AKR7A2: variants seen among roughly 807,000 people sequenced by gnomAD.
The protein encoded by AKR7A2 is aldo-keto reductase family 7 member A2.
Under a neutral mutation model 37.3 loss-of-function variants are expected in AKR7A2, and 29 were observed. That is an observed-to-expected ratio of 0.78 (90% CI 0.58 to 1.06). AKR7A2 has a LOEUF of 1.06. Ranked by LOEUF, AKR7A2 falls within the 50% of genes least tolerant of loss-of-function variation. The pLI, the probability that AKR7A2 is intolerant of heterozygous loss-of-function variation, is 0.00. For synonymous variants in AKR7A2, 228 were observed against 217.8 expected, an observed-to-expected ratio of 1.05 and a Z score of -0.41; for missense variants, 529 against 497.9, an observed-to-expected ratio of 1.06 and a Z score of -0.59.
At chr1:19,310,144 A>G (rs1446671052) in intron 1 of AKR7A2, among the ~76,000 whole-genome samples, 2 of 152,194 alleles carry the variant, frequency 1.3e-5, no homozygotes, top group Non-Finnish European at 2.9e-5. Context: ...TGGATTCTGC[A>G]CTTTTCATAC....
Position 19,308,223 on chromosome 1 carries a change from A to G in AKR7A2, c.526T>C (p.Trp176Arg). ...AGGGTACAGATCTCGGCCACTTCCC[A>G]GCTAGCATAGTTGGAGAGGCCAAGC... ...VELGLSNYAS[W>R]EVAEICTLCK... The change falls in exon 3 of 7, where the codon TGG (tryptophan) becomes CGG (arginine). Residue 176 changes from tryptophan (W) to arginine (R), a missense_variant. By Grantham distance (101) the Trp-to-Arg change is moderately radical. Coordinates refer to ENST00000235835, the MANE Select transcript of AKR7A2 (RefSeq NM_003689.4). The G allele has an allele frequency of 6.2e-7, 1 of 1,613,490 alleles. No homozygotes were observed. The highest frequency in any genetic ancestry group is 1.3e-5 in the African/African-American group (1 of 74,792).
intron 2 of AKR7A2, 79 bp downstream of exon 2, chr1:19,308,376 G>T: frequency 6.3e-7 from 1 of 1,596,184 alleles, no homozygotes; most frequent in Non-Finnish European, 8.5e-7. Context: ...GACTGCCCTG[G>T]TGCCTCTGCT....
chr1:19,307,042 G>T lies in AKR7A2; in HGVS notation c.748C>A (p.Arg250Ser). The change falls in exon 5 of 7, where the codon CGC (arginine) becomes AGC (serine). Residue 250 changes from arginine to serine, a missense_variant. Coordinates refer to ENST00000235835, the MANE Select transcript of AKR7A2 (RefSeq NM_003689.4). ...TCAGCCCAGCTATTCCCAAAGAAGC[G>T]GCCCACAGGCTGTTTCCCGTCCTTG... The part of the protein sequence containing the change: ...EDKDGKQPVG[R>S]FFGNSWAETY... 1 of 1,614,116 alleles carries T rather than the reference G, an allele frequency of 6.2e-7. No individual in the cohort carries two copies. The highest frequency in any genetic ancestry group is 8.5e-7 in the Non-Finnish European group (1 of 1,180,036).
chr1:19,308,201 G>T lies in AKR7A2; in HGVS notation c.548C>A (p.Thr183Asn), dbSNP rs775896270. The change falls in exon 3 of 7, where the codon ACC (threonine) becomes AAC (asparagine). Residue 183 changes from threonine to asparagine, a missense_variant. By Grantham distance (65) the Thr-to-Asn change is moderately conservative. Coordinates refer to ENST00000235835, the MANE Select transcript of AKR7A2 (RefSeq NM_003689.4). ...GATCCAGCCATTGCTCTTGCAGAGG[G>T]TACAGATCTCGGCCACTTCCCAGCT... ...YASWEVAEIC[T>N]LCKSNGWILP... 1.2e-6 allele frequency: 2 copies of T among 1,614,026 alleles called. No individual in the cohort carries two copies. Among genetic ancestry groups the T allele is most frequent in the African/African-American group, 2.7e-5 (2 of 74,926 alleles).
intron 1 of AKR7A2, among the ~76,000 whole-genome samples, chr1:19,309,892 A>G (rs750685065): frequency 5.9e-5 from 9 of 152,058 alleles, no homozygotes; most frequent in Non-Finnish European, 1.3e-4. Flanking sequence ...CTTGGCCAAC[A>G]TGGTGAAACT....
chr1:19,307,805 T>C (rs775657822), intron 3 of AKR7A2: 2 of 497,562 alleles, frequency 4.0e-6, no homozygotes, highest in African/African-American at 3.9e-5. Flanking sequence ...ATTTGGAGAC[T>C]GGAGACTCCT....
In AKR7A2 at chr1:19,307,041, C is replaced by T. The variant is rs759911672; in HGVS notation, c.749G>A (p.Arg250His). ...CTCAGCCCAGCTATTCCCAAAGAAG[C>T]GGCCCACAGGCTGTTTCCCGTCCTT... is the stretch of plus-strand genomic sequence containing the variant. ...EDKDGKQPVG[R>H]FFGNSWAETY... is the part of the protein sequence containing the mutation. Residue 250 changes from arginine (R) to histidine (H), a missense_variant, in exon 5 of 7, where the codon CGC (arginine) becomes CAC (histidine). Arg to His is a conservative substitution (Grantham distance 29, BLOSUM62 0). Coordinates refer to ENST00000235835, the MANE Select transcript of AKR7A2 (RefSeq NM_003689.4). The T allele has an allele frequency of 5.0e-6, 8 of 1,614,186 alleles. No homozygotes were observed. The East Asian group carries it at 8.9e-5, about 18-fold the overall frequency.
intron 6 of AKR7A2, 110 bp downstream of exon 6, chr1:19,305,908 G>A: frequency 6.3e-7 from 1 of 1,580,974 alleles, no homozygotes. Flanking sequence ...AGAATTGGAA[G>A]AAAGAAAAAT....
In AKR7A2 at chr1:19,304,237, G is replaced by A. The variant is rs1298485626; in HGVS notation, c.1068C>T (p.Asn356=). 1 of 1,614,228 alleles carries A rather than the reference G, an allele frequency of 6.2e-7. No individual in the cohort carries two copies. The highest frequency in any genetic ancestry group is 8.5e-7 in the Non-Finnish European group (1 of 1,180,048). Residue 356 remains asparagine, a synonymous_variant, in exon 7 of 7, where the codon AAC becomes AAT. Transcript: ENST00000235835. Reference sequence around the variant, plus strand: ...AGCCATGATGGGCCTAGCGGAAGTAGTTGGGACATTCGTGAGCAACCAAAT... The same window carrying A: ...AGCCATGATGGGCCTAGCGGAAGTAATTGGGACATTCGTGAGCAACCAAAT... ...AWHLVAHECP[N]YFR is the part of the protein sequence containing the mutation.
chr1:19,306,933 C>T (rs1352951225), intron 5 of AKR7A2, 69 bp downstream of exon 5: 1 of 1,385,486 alleles, frequency 7.2e-7, no homozygotes, highest in Non-Finnish European at 1.0e-6. Context: ...TCAGGAACAG[C>T]CCAGGACTTC....
Position 19,312,086 on chromosome 1 carries a change from G to T in AKR7A2, c.39C>A (p.Ala13=). 1.5e-6 allele frequency: 2 copies of T among 1,339,992 alleles called. No individual in the cohort carries two copies. Among genetic ancestry groups the T allele is most frequent in the Non-Finnish European group, 1.9e-6 (2 of 1,055,764 alleles). 83.0% of individuals were successfully genotyped at this position (1,339,992 alleles called of 1,614,324 possible). The change falls in exon 1 of 7, where the codon GCC becomes GCA. Residue 13 remains alanine, a synonymous_variant. Transcript: ENST00000235835. ...GCGGAGAGCGAAGCGCGCAGTGGACGGCGGCGCGGGAGACTACGCGAGACG... is the reference window on the plus strand; with the variant it reads ...GCGGAGAGCGAAGCGCGCAGTGGACTGCGGCGCGGGAGACTACGCGAGACG... The part of the protein sequence containing the change: ...SAASRVVSRA[A]VHCALRSPPP...
intron 2 of AKR7A2, 94 bp downstream of exon 2, chr1:19,308,361 C>G: frequency 6.3e-7 from 1 of 1,594,708 alleles, no homozygotes; most frequent in South Asian, 1.1e-5. Flanking sequence ...CCTGCCCCAC[C>G]CTGGGACTGC....
intron 1 of AKR7A2, among the ~76,000 whole-genome samples, chr1:19,310,114 T>A (rs2093769409): frequency 6.6e-6 from 1 of 152,070 alleles, no homozygotes; most frequent in African/African-American, 2.4e-5. Flanking sequence ...GAACCCCAGC[T>A]GTCTGGATTG....
Position 19,306,074 on chromosome 1 carries a change from C to G in AKR7A2, c.862G>C (p.Ala288Pro). ...AGGGCAGCCGAGGTCACACTGGGGG[C>G]GCTGGCGCCATATGCGGCCTGCAGG... ...KALQAAYGAS[A>P]PSVTSAALRW... The change falls in exon 6 of 7, where the codon GCC (alanine) becomes CCC (proline). Residue 288 changes from alanine to proline, a missense_variant. Transcript: ENST00000235835. 2 of 1,614,150 alleles carry G rather than the reference C, an allele frequency of 1.2e-6. No homozygotes were observed. Among genetic ancestry groups the G allele is most frequent in the Non-Finnish European group, 1.7e-6 (2 of 1,179,966 alleles).
At chr1:19,303,943 T>C (rs1401160848), downstream of AKR7A2, 4 of 478,250 alleles carry the variant, frequency 8.4e-6, no homozygotes, top group African/African-American at 5.9e-5. Context: ...GGAAACAAAG[T>C]GTTAACAGCA....
intron 3 of AKR7A2, chr1:19,307,740 G>C (rs765295748): frequency 2.0e-6 from 1 of 502,550 alleles, no homozygotes; most frequent in Non-Finnish European, 3.6e-6. Flanking sequence ...AATAAAGTTA[G>C]GTTCTACAAT....
rs758848168 is a variant in AKR7A2, at chr1:19,308,280, C to T, written c.487-18G>A. The T allele has an allele frequency of 6.2e-7, 1 of 1,614,176 alleles. No individual in the cohort carries two copies. The highest frequency in any genetic ancestry group is 1.7e-5 in the Admixed American group (1 of 60,026). On this transcript the variant is annotated intron_variant, in intron 2 of 6. Coordinates refer to ENST00000235835, the MANE Select transcript of AKR7A2 (RefSeq NM_003689.4). ...AACTTGCCCTGCATGGGTGAGGCTC[C>T]AGTCAGAACGCAGTGTAGCCCAGAC...
chr1:19,312,035 C>A lies in AKR7A2; in HGVS notation c.90G>T (p.Met30Ile), dbSNP rs778358034. ...CGACCCGCGGTGGCGGTGGCCGGGA[C>A]ATGGCGAGCGCGCGGGCCTCGGGCG... ...SPPPEARALA[M>I]SRPPPPRVAS... Residue 30 changes from methionine to isoleucine, a missense_variant, in exon 1 of 7, where the codon ATG (methionine) becomes ATT (isoleucine). Transcript: ENST00000235835. The A allele has an allele frequency of 2.1e-5, 30 of 1,406,604 alleles. No individual in the cohort carries two copies. The highest frequency in any genetic ancestry group is 2.7e-5 in the Non-Finnish European group (29 of 1,087,590). 87.1% of individuals were successfully genotyped at this position (1,406,604 alleles called of 1,614,324 possible).
In AKR7A2 at chr1:19,304,186, G is replaced by A; in HGVS notation, c.*39C>T. The stretch of plus-strand genomic sequence containing the variant: ...TGGTCAGTGTGAGAGAACAAAAGAG[G>A]TGACAGAAAAGCCTTGGGCAGCCTG... On this transcript the variant is annotated 3_prime_UTR_variant, in exon 7 of 7. Coordinates refer to ENST00000235835, the MANE Select transcript of AKR7A2 (RefSeq NM_003689.4). The A allele has an allele frequency of 2.5e-6, 4 of 1,614,188 alleles. No homozygotes were observed. Among genetic ancestry groups the A allele is most frequent in the Non-Finnish European group, 3.4e-6 (4 of 1,180,022 alleles).
Sources: gnomAD v4.1 joint callset for allele counts (sites outside exome capture counted in the v4.1 genomes callset) on GRCh38, gnomAD v4.1.1 for gene constraint, MANE v1.5 for transcripts, NCBI Gene and HGNC (gene_info 2026-07-23, HGNC 2026-07-21) for gene names.